Variants in ZNF609 observed in about 807,000 individuals in gnomAD.
ZNF609 encodes the protein zinc finger protein 609.
In ZNF609, 11 loss-of-function variants were observed where a neutral mutation model predicts 109.5. The ratio of observed to expected loss-of-function variants is 0.10; its 90% CI spans 0.06 to 0.17. The LOEUF is 0.17. Among genes scored for constraint, ZNF609 ranks in the 10% least tolerant of loss-of-function variants. ZNF609 has a pLI of 1.00. For missense variants in ZNF609, 1,559 were observed against 1,772.4 expected, an observed-to-expected ratio of 0.88 and a Z score of 2.16; for synonymous variants, 646 against 662.0, an observed-to-expected ratio of 0.98 and a Z score of 0.37.
intron 1 of ZNF609, among the ~76,000 whole-genome samples, chr15:64,468,434 GT>G (rs201656287): frequency 6.0e-5 from 9 of 150,478 alleles, no homozygotes; most frequent in Admixed American, 6.0e-4. Context: ...TTTTTTGTGT[GT>G]TTTTTTTTGT....
At chr15:64,553,634 T>C (rs1487296624) in intron 2 of ZNF609, among the ~76,000 whole-genome samples, 1 of 152,024 alleles carries the variant, frequency 6.6e-6, no homozygotes, top group African/African-American at 2.4e-5. Flanking sequence ...AGTCTCACTC[T>C]GTTGCCCAGG....
intron 3 of ZNF609, among the ~76,000 whole-genome samples, chr15:64,642,375 A>G (rs1325576258): frequency 6.6e-6 from 1 of 151,864 alleles, no homozygotes; most frequent in East Asian, 1.9e-4. Flanking sequence ...TGTAGAGACT[A>G]GGTCTCGCTG....
At chr15:64,551,590 T>TTC (rs1442427649) in intron 2 of ZNF609, among the ~76,000 whole-genome samples, 1 of 146,258 alleles carries the variant, frequency 6.8e-6, no homozygotes, top group Non-Finnish European at 1.5e-5. Flanking sequence ...AAGCGGAGGT[T>TTC]ATGGTGAGCC....
chr15:64,536,916 G>GAAAAAAAAAAA (rs60594462), intron 2 of ZNF609, among the ~76,000 whole-genome samples: 2 of 55,400 alleles, frequency 3.6e-5, no homozygotes, highest in Non-Finnish European at 6.3e-5. Flanking sequence ...TCTCAAAAAA[G>GAAAAAAAAAAA]AAAAAAAAAA....
chr15:64,631,488 T>C, intron 3 of ZNF609: 2 of 709,036 alleles, frequency 2.8e-6, no homozygotes, highest in Middle Eastern at 2.5e-4. Context: ...TCACCTTTCT[T>C]ATAGATTCGC....
intron 2 of ZNF609, among the ~76,000 whole-genome samples, chr15:64,551,985 C>CA (rs35698512): frequency 0.34 from 31,760 of 92,844 alleles, 5,215 homozygotes; most frequent in Middle Eastern, 0.44. Context: ...GACTCTGTCT[C>CA]AAAAAAAAAA....
intron 2 of ZNF609, among the ~76,000 whole-genome samples, chr15:64,574,211 ATTTGAGAATTTAC>A (rs1458417175): frequency 2.0e-5 from 2 of 99,662 alleles, no homozygotes. Context: ...CCCACACCCC[ATTTGAGAATTTAC>A]TTTCTCTCTG....
At chr15:64,602,285 A>G (rs927128881) in intron 2 of ZNF609, among the ~76,000 whole-genome samples, 2 of 152,118 alleles carry the variant, frequency 1.3e-5, no homozygotes, top group Admixed American at 1.3e-4. Context: ...ATTCTTTAGT[A>G]CTGTATGGGT....
intron 2 of ZNF609, among the ~76,000 whole-genome samples, chr15:64,544,903 G>T (rs905744442): frequency 6.6e-6 from 1 of 152,182 alleles, no homozygotes; most frequent in Non-Finnish European, 1.5e-5. Flanking sequence ...GTTGTAGGTA[G>T]GTGTTGTGCT....
At chr15:64,551,960 T>C (rs1441335222) in intron 2 of ZNF609, among the ~76,000 whole-genome samples, 1 of 132,862 alleles carries the variant, frequency 7.5e-6, no homozygotes, top group African/African-American at 2.6e-5. Flanking sequence ...CACTCCAGCC[T>C]GGGTGACAGA....
intron 3 of ZNF609, among the ~76,000 whole-genome samples, chr15:64,645,827 T>A (rs566906245): frequency 6.6e-6 from 1 of 152,186 alleles, no homozygotes; most frequent in Admixed American, 6.6e-5. Context: ...AAAACCATGA[T>A]GAATTACCAC....
chr15:64,670,015 A>AT (rs1167530165), intron 3 of ZNF609, among the ~76,000 whole-genome samples: 1 of 152,118 alleles, frequency 6.6e-6, no homozygotes, highest in African/African-American at 2.4e-5. Flanking sequence ...TGCTCTTGTG[A>AT]TCCCAGCTAC....
At chr15:64,606,368 G>A (rs1370277959) in intron 2 of ZNF609, among the ~76,000 whole-genome samples, 1 of 151,208 alleles carries the variant, frequency 6.6e-6, no homozygotes, top group Non-Finnish European at 1.5e-5. Flanking sequence ...AGATCATTTT[G>A]GCCAACATGG....
intron 2 of ZNF609, among the ~76,000 whole-genome samples, chr15:64,599,850 G>A (rs1277417455): frequency 6.6e-6 from 1 of 152,174 alleles, no homozygotes; most frequent in Non-Finnish European, 1.5e-5. Context: ...TGAAGAGGCT[G>A]TTCCTTCTGC....
intron 1 of ZNF609, among the ~76,000 whole-genome samples, chr15:64,473,016 A>G (rs965107650): frequency 1.3e-5 from 2 of 152,032 alleles, no homozygotes; most frequent in Non-Finnish European, 2.9e-5. Context: ...TGGAATTGTA[A>G]AGCTTATGAC....
intron 1 of ZNF609, among the ~76,000 whole-genome samples, chr15:64,498,943 G>A (rs575244867): frequency 6.2e-4 from 94 of 152,292 alleles, no homozygotes; most frequent in African/African-American, 1.9e-3. Flanking sequence ...GCTTGCATCT[G>A]TGATATGCCA....
At chr15:64,516,203 C>T (rs1052314434) in intron 2 of ZNF609, among the ~76,000 whole-genome samples, 2 of 152,190 alleles carry the variant, frequency 1.3e-5, no homozygotes, top group Admixed American at 1.3e-4. Context: ...TGTTTTATAT[C>T]TAATAACCTG....
chr15:64,549,022 A>AT (rs553146145), intron 2 of ZNF609, among the ~76,000 whole-genome samples: 1 of 152,050 alleles, frequency 6.6e-6, no homozygotes, highest in Admixed American at 6.6e-5. Context: ...AGGCACATGA[A>AT]TTTTTTTTAT....
At chr15:64,461,896 C>T (rs1227432839) in intron 1 of ZNF609, among the ~76,000 whole-genome samples, 1 of 152,144 alleles carries the variant, frequency 6.6e-6, no homozygotes, top group Non-Finnish European at 1.5e-5. Context: ...GCTGCTTTGT[C>T]TTGGGGGAGG....
Sources: allele counts gnomAD v4.1 joint callset (sites outside exome capture counted in the v4.1 genomes callset), GRCh38; gene constraint gnomAD v4.1.1; transcripts MANE v1.5; gene names NCBI Gene and HGNC (gene_info 2026-07-23, HGNC 2026-07-21).